Variants in VAV2 observed in about 807,000 individuals in gnomAD.
VAV2 encodes vav guanine nucleotide exchange factor 2.
VAV2 carries 67 observed loss-of-function variants against 132.5 expected under a neutral mutation model. The observed-to-expected ratio is 0.51, with a 90% confidence interval of 0.42 to 0.62. The LOEUF is 0.62. VAV2 is among the 20% of genes least tolerant of loss of function. The pLI is 0.00. For synonymous variants in VAV2, 492 were observed against 443.5 expected (o/e 1.11, Z -1.37); for missense variants, 938 against 1,153.6 (o/e 0.81, Z 2.71).
At chr9:133,895,522 C>T (rs1283729253) in intron 2 of VAV2, among the ~76,000 whole-genome samples, 2 of 152,224 alleles carry the variant, frequency 1.3e-5, no homozygotes, top group Admixed American at 1.3e-4. Context: ...CTCACCGCAA[C>T]GTGCCAGCGG....
intron 7 of VAV2, 108 bp from the exon 8 acceptor site, chr9:133,807,434 T>TG: frequency 9.0e-7 from 1 of 1,113,470 alleles, no homozygotes. Context: ...GGCACTGGGG[T>TG]GCTCCATGCT....
chr9:133,922,059 G>A (rs1315578809), intron 2 of VAV2, among the ~76,000 whole-genome samples: 2 of 152,236 alleles, frequency 1.3e-5, no homozygotes, highest in Admixed American at 6.5e-5. Context: ...GATGGGCCCC[G>A]CCTGCTGGAC....
At chr9:133,777,912 C>A (rs930034104) in intron 22 of VAV2, among the ~76,000 whole-genome samples, 1 of 152,148 alleles carries the variant, frequency 6.6e-6, no homozygotes, top group Non-Finnish European at 1.5e-5. Context: ...AACAAACATT[C>A]GGCTCTAATG....
At chr9:133,880,536 G>A (rs568685222) in intron 2 of VAV2, among the ~76,000 whole-genome samples, 2 of 152,286 alleles carry the variant, frequency 1.3e-5, no homozygotes, top group South Asian at 4.1e-4. Context: ...GAAGGGGTGG[G>A]TGCGGGGGGC....
intron 2 of VAV2, among the ~76,000 whole-genome samples, chr9:133,922,259 C>A (rs1840323718): frequency 6.6e-6 from 1 of 152,224 alleles, no homozygotes; most frequent in Non-Finnish European, 1.5e-5. Flanking sequence ...ATAGCCGTGA[C>A]CCCAGAGCGT....
intron 1 of VAV2, among the ~76,000 whole-genome samples, chr9:133,990,912 C>G (rs990098009): frequency 6.6e-6 from 1 of 152,172 alleles, no homozygotes; most frequent in African/African-American, 2.4e-5. Flanking sequence ...GGCCCCTTCC[C>G]CTCTGGGCTT....
chr9:133,784,904 C>T (rs1482851115), intron 17 of VAV2, among the ~76,000 whole-genome samples: 2 of 151,964 alleles, frequency 1.3e-5, no homozygotes, highest in African/African-American at 4.8e-5. Flanking sequence ...CGGATGGCGG[C>T]AGCGTGGTGA....
chr9:133,852,916 G>C (rs982378671), intron 3 of VAV2, among the ~76,000 whole-genome samples: 2 of 152,154 alleles, frequency 1.3e-5, no homozygotes, highest in Non-Finnish European at 2.9e-5. Flanking sequence ...CTCACCCCAG[G>C]TTGCACTGGC....
At chr9:133,876,852 G>A (rs1033276503) in intron 2 of VAV2, among the ~76,000 whole-genome samples, 6 of 152,200 alleles carry the variant, frequency 3.9e-5, no homozygotes, top group African/African-American at 1.4e-4. Context: ...AACCATCTCT[G>A]TCCTTTCTGC....
At chr9:133,890,720 C>T (rs938664365) in intron 2 of VAV2, among the ~76,000 whole-genome samples, 4 of 152,192 alleles carry the variant, frequency 2.6e-5, no homozygotes, top group African/African-American at 9.7e-5. Flanking sequence ...CAGCTGCCTC[C>T]CCTGCTTCTT....
intron 27 of VAV2, 120 bp downstream of exon 27, chr9:133,770,258 G>T: frequency 6.8e-7 from 1 of 1,481,306 alleles, no homozygotes. Flanking sequence ...GGCGGGGGCT[G>T]TGTTCCCCAG....
At position 133,805,444 on chromosome 9, in the gene VAV2, G is replaced by T. The variant is rs887819689; in HGVS notation, c.836+637C>A. On this transcript the variant is annotated intron_variant, in intron 9 of 29. Transcript: ENST00000371850. ...GGCTCTCTCGAGACTTCCGTGGCTG[G>T]AAACGCCATCTCCCCAGCCTCTGAC... Among the ~76,000 whole-genome samples, 9 of 152,130 alleles carry T rather than the reference G, an allele frequency of 5.9e-5. 1 individual carries two copies. The highest frequency in any genetic ancestry group is 2.2e-4 in the African/African-American group (9 of 41,418).
intron 2 of VAV2, among the ~76,000 whole-genome samples, chr9:133,878,265 G>A (rs997086980): frequency 5.3e-5 from 8 of 152,202 alleles, no homozygotes; most frequent in Non-Finnish European, 7.3e-5. Context: ...CTCTGCGGCC[G>A]TAGGAGCCAC....
At chr9:133,938,685 C>A (rs1210067942) in intron 2 of VAV2, among the ~76,000 whole-genome samples, 2 of 152,240 alleles carry the variant, frequency 1.3e-5, no homozygotes, top group East Asian at 3.9e-4. Context: ...GCGCTTTCCC[C>A]TCCTCATCTC....
Position 133,961,206 on chromosome 9 carries a change from G to A in VAV2, c.205-21987C>T, listed in dbSNP as rs1192548489. 1.3e-5 allele frequency among the ~76,000 whole-genome samples: 2 copies of A among 152,244 alleles called. No individual in the cohort carries two copies. The highest frequency in any genetic ancestry group is 2.9e-5 in the Non-Finnish European group (2 of 68,046). On this transcript the variant is annotated intron_variant, in intron 1 of 29. Coordinates refer to ENST00000371850, the MANE Select transcript of VAV2 (RefSeq NM_001134398.2). This position sits in a 1 kb window ranked among gnomAD's most constrained non-coding sequence, Gnocchi z 4.1. ...AAGAAACAATCACTGCAGTCCAACAGAATAGTCAACCTTTTGATCTCAGAG... is the reference window on the plus strand; with the variant it reads ...AAGAAACAATCACTGCAGTCCAACAAAATAGTCAACCTTTTGATCTCAGAG...
chr9:133,877,695 CCCAG>C (rs974966071), intron 2 of VAV2, among the ~76,000 whole-genome samples: 2 of 152,174 alleles, frequency 1.3e-5, no homozygotes, highest in African/African-American at 4.8e-5. Flanking sequence ...ACTGCACGTT[CCCAG>C]TCTGCTAATG....
At chr9:133,777,255 A>C in intron 23 of VAV2, 134 bp downstream of exon 23, 1 of 827,532 alleles carries the variant, frequency 1.2e-6, no homozygotes, top group Non-Finnish European at 2.0e-6. Flanking sequence ...CAGCTCCAGG[A>C]AGCAGCTCAC....
At position 133,834,344 on chromosome 9, in the gene VAV2, C is replaced by A. The variant is rs535049887; in HGVS notation, c.381-4G>T. On this transcript the variant is annotated splice_region_variant and splice_polypyrimidine_tract_variant and intron_variant, in intron 3 of 29. Coordinates refer to ENST00000371850, the MANE Select transcript of VAV2 (RefSeq NM_001134398.2). This position sits in a 1 kb window ranked among gnomAD's most constrained non-coding sequence, Gnocchi z 5.9. Reference sequence around the variant, plus strand: ...GGTCTCCTCTGAGGGAAAAGGCCTGCGGAAGAGAAGGCGAGAGGGAGGTGA... The same window carrying A: ...GGTCTCCTCTGAGGGAAAAGGCCTGAGGAAGAGAAGGCGAGAGGGAGGTGA... The A allele has an allele frequency of 2.5e-6, 4 of 1,611,478 alleles. No homozygotes were observed. The highest frequency in any genetic ancestry group is 2.5e-6 in the Non-Finnish European group (3 of 1,178,858).
chr9:133,872,338 C>G (rs1308238140), intron 2 of VAV2, among the ~76,000 whole-genome samples: 1 of 152,242 alleles, frequency 6.6e-6, no homozygotes, highest in Non-Finnish European at 1.5e-5. Flanking sequence ...CATGGCTGTG[C>G]TGGGTGGGTG....
Sources: gnomAD v4.1 joint callset for allele counts (sites outside exome capture counted in the v4.1 genomes callset) on GRCh38, gnomAD v4.1.1 for gene constraint, Gnocchi (gnomAD v3.1) non-coding constraint, MANE v1.5 for transcripts, NCBI Gene and HGNC (gene_info 2026-07-23, HGNC 2026-07-21) for gene names.